SLC24A3: variants seen among roughly 807,000 people sequenced by gnomAD.
SLC24A3 encodes the protein solute carrier family 24 member 3.
SLC24A3 carries 28 observed loss-of-function variants against 75.8 expected under a neutral mutation model. That is an observed-to-expected ratio of 0.37 (90% CI 0.27 to 0.51). The LOEUF is 0.51. SLC24A3 is among the 20% of genes least tolerant of loss of function. SLC24A3 has a pLI of 0.94. For synonymous variants in SLC24A3, 372 were observed against 334.1 expected, an observed-to-expected ratio of 1.11 and a Z score of -1.24; for missense variants, 663 against 847.8, an observed-to-expected ratio of 0.78 and a Z score of 2.71.
At chr20:19,370,628 C>A (rs1007084307) in intron 2 of SLC24A3, among the ~76,000 whole-genome samples, 1 of 152,258 alleles carries the variant, frequency 6.6e-6, no homozygotes, top group African/African-American at 2.4e-5. Context: ...CTTTTTAAAT[C>A]ATGCTCCTGT....
At chr20:19,488,164 T>A (rs950090488) in intron 2 of SLC24A3, among the ~76,000 whole-genome samples, 1 of 152,160 alleles carries the variant, frequency 6.6e-6, no homozygotes, top group Admixed American at 6.5e-5. Context: ...GACTCTGGCA[T>A]TTTCCCCCCA....
chr20:19,519,490 T>C (rs1299232382), intron 3 of SLC24A3, among the ~76,000 whole-genome samples: 1 of 152,210 alleles, frequency 6.6e-6, no homozygotes, highest in Non-Finnish European at 1.5e-5. Context: ...CCTGAGAGTG[T>C]GCTTTTTAAA....
intron 1 of SLC24A3, among the ~76,000 whole-genome samples, chr20:19,224,460 T>A (rs1981822996): frequency 6.6e-6 from 1 of 152,236 alleles, no homozygotes; most frequent in African/African-American, 2.4e-5. Context: ...TCTCCATGGA[T>A]GCACTTTTAT....
chr20:19,687,413 A>G (rs566748990), intron 12 of SLC24A3, among the ~76,000 whole-genome samples: 1 of 152,308 alleles, frequency 6.6e-6, no homozygotes, highest in East Asian at 1.9e-4. Context: ...GTGCCATACA[A>G]CACAGCAGAA....
At chr20:19,702,496 CTTA>C (rs1295314685) in intron 15 of SLC24A3, among the ~76,000 whole-genome samples, 1 of 152,072 alleles carries the variant, frequency 6.6e-6, no homozygotes, top group Non-Finnish European at 1.5e-5. Context: ...ACCACTCTGG[CTTA>C]TTATGATCAA....
chr20:19,289,710 A>AGCC (rs147463741), intron 2 of SLC24A3, among the ~76,000 whole-genome samples: 6,120 of 151,766 alleles, frequency 0.04, 410 homozygotes, highest in African/African-American at 0.14. Context: ...CCATGTCTCT[A>AGCC]CTCCCTGGGG....
At chr20:19,290,250 G>A (rs966532105) in intron 2 of SLC24A3, among the ~76,000 whole-genome samples, 1 of 152,132 alleles carries the variant, frequency 6.6e-6, no homozygotes, top group Non-Finnish European at 1.5e-5. Context: ...TTTAAACCCA[G>A]GTCCACCCCA....
At chr20:19,646,857 G>GTGTC (rs1284225073) in intron 6 of SLC24A3, among the ~76,000 whole-genome samples, 1 of 152,016 alleles carries the variant, frequency 6.6e-6, no homozygotes, top group Non-Finnish European at 1.5e-5. Flanking sequence ...GTGTGCGTGT[G>GTGTC]TGTGTGTGTG....
At chr20:19,240,977 A>G (rs1351853156) in intron 1 of SLC24A3, among the ~76,000 whole-genome samples, 5 of 152,214 alleles carry the variant, frequency 3.3e-5, no homozygotes, top group Non-Finnish European at 7.3e-5. Flanking sequence ...ATTGGCAGCA[A>G]GTGCCACGCC....
At chr20:19,540,849 A>G (rs991639194) in intron 3 of SLC24A3, among the ~76,000 whole-genome samples, 3 of 152,224 alleles carry the variant, frequency 2.0e-5, no homozygotes, top group Non-Finnish European at 2.9e-5. Context: ...TCATTACATC[A>G]CCAAAGATCT....
At chr20:19,473,616 T>A (rs1987911389) in intron 2 of SLC24A3, among the ~76,000 whole-genome samples, 1 of 152,262 alleles carries the variant, frequency 6.6e-6, no homozygotes, top group African/African-American at 2.4e-5. Context: ...AGCCAGGATC[T>A]GAACCCCGGA....
chr20:19,266,796 T>G (rs1253530836), intron 1 of SLC24A3, among the ~76,000 whole-genome samples: 1 of 152,230 alleles, frequency 6.6e-6, no homozygotes, highest in South Asian at 2.1e-4. Context: ...ACAGCTGGAA[T>G]GGACTATGAA....
intron 6 of SLC24A3, among the ~76,000 whole-genome samples, chr20:19,650,638 C>T (rs2032190924): frequency 6.6e-6 from 1 of 151,952 alleles, no homozygotes; most frequent in Non-Finnish European, 1.5e-5. Flanking sequence ...TCTCTTTTAG[C>T]CCCCCCTTCT....
intron 1 of SLC24A3, among the ~76,000 whole-genome samples, chr20:19,248,888 C>G (rs1405039130): frequency 1.3e-5 from 2 of 149,640 alleles, no homozygotes; most frequent in Admixed American, 6.7e-5. Context: ...ATTAGCCAGG[C>G]ACAGAAAGAC....
intron 6 of SLC24A3, among the ~76,000 whole-genome samples, chr20:19,640,027 C>G (rs1280994339): frequency 6.6e-6 from 1 of 152,234 alleles, no homozygotes. Flanking sequence ...CTCCACACCT[C>G]CCTGCAAGCT....
chr20:19,356,708 G>A (rs1018187957), intron 2 of SLC24A3, among the ~76,000 whole-genome samples: 2 of 152,106 alleles, frequency 1.3e-5, no homozygotes, highest in East Asian at 3.8e-4. Context: ...GGGGAATAAG[G>A]TATGTGCATC....
chr20:19,311,251 A>G (rs949254413), intron 2 of SLC24A3, among the ~76,000 whole-genome samples: 8 of 152,172 alleles, frequency 5.3e-5, no homozygotes, highest in Admixed American at 2.6e-4. Context: ...CAAGGCTTCA[A>G]GAGAACCCCA....
At chr20:19,339,889 C>A (rs1985228783) in intron 2 of SLC24A3, among the ~76,000 whole-genome samples, 1 of 152,198 alleles carries the variant, frequency 6.6e-6, no homozygotes, top group South Asian at 2.1e-4. Context: ...GAGTGAGTTC[C>A]ATATAATCTG....
At chr20:19,407,362 T>C (rs1448659139) in intron 2 of SLC24A3, among the ~76,000 whole-genome samples, 1 of 152,212 alleles carries the variant, frequency 6.6e-6, no homozygotes, top group Non-Finnish European at 1.5e-5. Context: ...TGTGTCCTCA[T>C]TCCTGTCTTC....
Sources: gnomAD v4.1 joint callset for allele counts (sites outside exome capture counted in the v4.1 genomes callset) on GRCh38, gnomAD v4.1.1 for gene constraint, MANE v1.5 for transcripts, NCBI Gene and HGNC (gene_info 2026-07-23, HGNC 2026-07-21) for gene names.